The following ATPSCKMT variants were observed in gnomAD, a reference collection of about 807,000 sequenced individuals.
The protein encoded by ATPSCKMT is ATP synthase c subunit lysine N-methyltransferase.
In ATPSCKMT, 24 loss-of-function variants were observed where a neutral mutation model predicts 24.3. The observed-to-expected ratio is 0.99, with a 90% confidence interval of 0.71 to 1.39. The LOEUF (loss-of-function observed/expected upper bound fraction) is 1.39. Ranked by LOEUF, ATPSCKMT falls within the 40% of genes most tolerant of loss-of-function variation. The pLI is 0.00. For missense variants in ATPSCKMT, 311 were observed against 298.4 expected, an observed-to-expected ratio of 1.04 and a Z score of -0.31; for synonymous variants, 95 against 110.5, an observed-to-expected ratio of 0.86 and a Z score of 0.88.
intron 1 of ATPSCKMT, among the ~76,000 whole-genome samples, chr5:10,243,869 T>C (rs1401443224): frequency 6.6e-6 from 1 of 152,260 alleles, no homozygotes; most frequent in Non-Finnish European, 1.5e-5. Flanking sequence ...TTTAATCTCC[T>C]TCAACAACTT....
chr5:10,227,680 C>G (rs764802504), intron 4 of ATPSCKMT, 33 bp from the exon 5 acceptor site: 3 of 1,603,208 alleles, frequency 1.9e-6, no homozygotes, highest in South Asian at 2.2e-5. Flanking sequence ...TTTTAGTGAG[C>G]AGTGAGTCAG....
rs972046035 is a variant in ATPSCKMT, at chr5:10,240,088, G to A, written c.17-732C>T. On this transcript the variant is annotated intron_variant, in intron 1 of 4. Transcript: ENST00000511437. Reference sequence around the variant, plus strand: ...AAAAATACAAAAAAAAAAAAAATTAGCCGGGCGTGGTGGCGGGCGCCTGTA... The same window carrying A: ...AAAAATACAAAAAAAAAAAAAATTAACCGGGCGTGGTGGCGGGCGCCTGTA... 2.1e-4 allele frequency among the ~76,000 whole-genome samples: 32 copies of A among 150,646 alleles called. No homozygotes were observed. In the East Asian group the frequency reaches 4.7e-3, roughly 22 times the overall value.
At chr5:10,246,127 C>T (rs1744911402) in intron 1 of ATPSCKMT, among the ~76,000 whole-genome samples, 1 of 152,092 alleles carries the variant, frequency 6.6e-6, no homozygotes, top group East Asian at 1.9e-4. Context: ...TACTTTTTGT[C>T]TCAAGAATCC....
chr5:10,232,802 C>T (rs1744210805), intron 4 of ATPSCKMT, among the ~76,000 whole-genome samples: 1 of 152,166 alleles, frequency 6.6e-6, no homozygotes, highest in South Asian at 2.1e-4. Flanking sequence ...AGCCTCAGGG[C>T]CACAGTGAGT....
At chr5:10,229,732 C>T (rs952375227) in intron 4 of ATPSCKMT, among the ~76,000 whole-genome samples, 2 of 152,334 alleles carry the variant, frequency 1.3e-5, no homozygotes, top group African/African-American at 4.8e-5. Flanking sequence ...TCTCTGTCTC[C>T]TTATCTACCG....
Position 10,225,681 on chromosome 5 carries a change from T to C in ATPSCKMT, c.*1760A>G, listed in dbSNP as rs1406161107. On this transcript the variant is annotated 3_prime_UTR_variant, in exon 5 of 5. Transcript: ENST00000511437. ...ACAGCACAGGAAAGACCTGCCCCCATAATTCAATCACCTCCCACCAGGTCC... is the reference window on the plus strand; with the variant it reads ...ACAGCACAGGAAAGACCTGCCCCCACAATTCAATCACCTCCCACCAGGTCC... 9.9e-5 allele frequency among the ~76,000 whole-genome samples: 15 copies of C among 152,128 alleles called. No homozygotes were observed. The highest frequency in any genetic ancestry group is 9.8e-4 in the Admixed American group (15 of 15,266).
At chr5:10,233,643 A>C (rs1561027416) in intron 4 of ATPSCKMT, among the ~76,000 whole-genome samples, 2 of 152,264 alleles carry the variant, frequency 1.3e-5, no homozygotes, top group East Asian at 1.9e-4. Flanking sequence ...TCGGCTCCAC[A>C]GGTCCTGGAG....
At chr5:10,233,234 T>C (rs1339538659) in intron 4 of ATPSCKMT, among the ~76,000 whole-genome samples, 1 of 152,006 alleles carries the variant, frequency 6.6e-6, no homozygotes, top group Non-Finnish European at 1.5e-5. Context: ...GCTGGGATGG[T>C]CGACTGGCAC....
intron 1 of ATPSCKMT, chr5:10,248,340 T>C (rs937730460): frequency 2.0e-5 from 3 of 152,228 alleles, no homozygotes; most frequent in Admixed American, 1.3e-4. Flanking sequence ...GAGGATGCCA[T>C]AGGACATTCT....
At chr5:10,231,104 A>C (rs1177521652) in intron 4 of ATPSCKMT, among the ~76,000 whole-genome samples, 1 of 151,654 alleles carries the variant, frequency 6.6e-6, no homozygotes, top group East Asian at 1.9e-4. Flanking sequence ...GTTCAAAGCA[A>C]CTCCAAGCGT....
intron 2 of ATPSCKMT, among the ~76,000 whole-genome samples, chr5:10,237,809 T>C (rs1330410105): frequency 6.6e-6 from 1 of 152,046 alleles, no homozygotes; most frequent in African/African-American, 2.4e-5. Context: ...TGCAGTGGCG[T>C]GATCTTGGCT....
rs1436961530 is a variant in ATPSCKMT at position 10,226,553 on chromosome 5, A to C, written c.*888T>G. 6.6e-6 allele frequency: 1 copy of C among 152,270 alleles called. No homozygotes were observed. Among genetic ancestry groups the C allele is most frequent in the Non-Finnish European group, 1.5e-5 (1 of 68,044 alleles). The allele number at this position is 152,270 out of a possible 1,614,324, so 9.4% of individuals were successfully genotyped here. The stretch of plus-strand genomic sequence containing the variant: ...CCTTAATTCGTCTTTTATCTAAATC[A>C]GTCAAGTCTCTTCTCATAAATGAGA... On this transcript the variant is annotated 3_prime_UTR_variant, in exon 5 of 5. Transcript: ENST00000511437.
chr5:10,238,094 G>A (rs1446128848), intron 2 of ATPSCKMT, among the ~76,000 whole-genome samples: 2 of 152,164 alleles, frequency 1.3e-5, no homozygotes, highest in Non-Finnish European at 2.9e-5. Flanking sequence ...GGTGAGGGGA[G>A]GAGAGGAGTA....
chr5:10,247,380 G>T (rs901100334), intron 1 of ATPSCKMT, among the ~76,000 whole-genome samples: 2 of 152,156 alleles, frequency 1.3e-5, no homozygotes, highest in Non-Finnish European at 2.9e-5. Flanking sequence ...TCACTCTGTC[G>T]TCCAGGCTGG....
intron 4 of ATPSCKMT, among the ~76,000 whole-genome samples, chr5:10,230,412 ATTC>A (rs1307708426): frequency 1.3e-5 from 2 of 152,174 alleles, no homozygotes; most frequent in Admixed American, 1.3e-4. Flanking sequence ...TGATGCTATT[ATTC>A]TTTTCTCTTT....
At chr5:10,236,671 T>C (rs1744389888) in intron 2 of ATPSCKMT, 56 bp from the exon 3 acceptor site, 5 of 1,594,476 alleles carry the variant, frequency 3.1e-6, no homozygotes, top group South Asian at 1.1e-5. Flanking sequence ...ACATACATGG[T>C]CAAACAATAT....
At chr5:10,246,475 A>G (rs955713780) in intron 1 of ATPSCKMT, among the ~76,000 whole-genome samples, 1 of 150,558 alleles carries the variant, frequency 6.6e-6, no homozygotes, top group African/African-American at 2.4e-5. Context: ...AAAAAAAAGA[A>G]TCCCCTATTC....
intron 1 of ATPSCKMT, among the ~76,000 whole-genome samples, chr5:10,240,762 A>G (rs982465533): frequency 6.6e-6 from 1 of 152,140 alleles, no homozygotes; most frequent in African/African-American, 2.4e-5. Flanking sequence ...TTGGGAGGCC[A>G]CGGCGGGCAG....
chr5:10,246,148 G>A (rs1181602948), intron 1 of ATPSCKMT, among the ~76,000 whole-genome samples: 2 of 151,680 alleles, frequency 1.3e-5, no homozygotes, highest in Non-Finnish European at 2.9e-5. Context: ...CCTATTCTGG[G>A]GCCTGGCACA....
Sources: gnomAD v4.1 joint callset for allele counts (sites outside exome capture counted in the v4.1 genomes callset) on GRCh38, gnomAD v4.1.1 for gene constraint, MANE v1.5 for transcripts, NCBI Gene and HGNC (gene_info 2026-07-23, HGNC 2026-07-21) for gene names.